The following POR variants were observed in gnomAD, a reference collection of about 807,000 sequenced individuals.
POR encodes the protein NADPH--cytochrome P450 reductase.
A neutral mutation model predicts 84.0 loss-of-function variants in POR; 56 were observed. The ratio of observed to expected loss-of-function variants is 0.67; its 90% CI spans 0.54 to 0.83. POR has a LOEUF of 0.83. POR is among the 40% of genes least tolerant of loss of function. The probability of loss-of-function intolerance (pLI) is 0.00; values close to 1 mark genes in which losing one functional copy is unlikely to be tolerated. For synonymous variants in POR, 414 were observed against 400.5 expected (o/e 1.03, Z -0.40); for missense variants, 938 against 944.3 (o/e 0.99, Z 0.09).
At chr7:75,935,484 G>A (rs1807623152) in intron 1 of POR, among the ~76,000 whole-genome samples, 1 of 152,002 alleles carries the variant, frequency 6.6e-6, no homozygotes, top group African/African-American at 2.4e-5. Flanking sequence ...GACCTCAGGT[G>A]ATCTGCCCCC....
At chr7:75,968,533 C>T (rs575718103) in intron 2 of POR, among the ~76,000 whole-genome samples, 56 of 152,376 alleles carry the variant, frequency 3.7e-4, no homozygotes, top group African/African-American at 1.2e-3. Context: ...TGGGCCCTCT[C>T]GGGCTAAGCC....
At position 75,983,785 on chromosome 7, in the gene POR, C is replaced by T; in HGVS notation, c.995C>T (p.Ala332Val). Residue 332 changes from alanine to valine, a missense_variant, in exon 10 of 16, where the codon GCT becomes GTT. Physicochemically the swap from Ala to Val is moderately conservative, Grantham distance 64. Transcript: ENST00000461988. ...GCTGTGTACCCAGCCAACGACTCTG[C>T]TCTCGTCAACCAGCTGGGCAAAATC... 3.1e-6 allele frequency: 5 copies of T among 1,612,488 alleles called. No homozygotes were observed. Among genetic ancestry groups the T allele is most frequent in the Non-Finnish European group, 4.2e-6 (5 of 1,179,734 alleles).
chr7:75,952,605 C>T (rs560072297), intron 1 of POR, among the ~76,000 whole-genome samples: 22 of 145,828 alleles, frequency 1.5e-4, no homozygotes, highest in African/African-American at 4.1e-4. Context: ...ACTTCTCAGA[C>T]GGGGCGGCCG....
chr7:75,930,818 G>A (rs920672156), intron 1 of POR, among the ~76,000 whole-genome samples: 1 of 150,062 alleles, frequency 6.7e-6, no homozygotes, highest in Non-Finnish European at 1.5e-5. Context: ...CACCTTGCCC[G>A]GCCCTTATGT....
chr7:75,967,212 G>A (rs989160814), intron 2 of POR, among the ~76,000 whole-genome samples: 2 of 152,126 alleles, frequency 1.3e-5, no homozygotes, highest in African/African-American at 4.8e-5. Context: ...CCTGAGCTAT[G>A]GCGTCCACCC....
intron 1 of POR, among the ~76,000 whole-genome samples, chr7:75,939,893 C>A (rs2116331344): frequency 6.6e-6 from 1 of 151,708 alleles, no homozygotes; most frequent in East Asian, 2.0e-4. Context: ...CAGGCGTGAG[C>A]CACCGCACCT....
chr7:75,941,145 A>C (rs1807960570), intron 1 of POR, among the ~76,000 whole-genome samples: 3 of 152,156 alleles, frequency 2.0e-5, no homozygotes, highest in Admixed American at 6.6e-5. Context: ...CCTGGGTAAC[A>C]GAGTGAGACT....
At chr7:75,964,516 C>T (rs1020824880) in intron 2 of POR, among the ~76,000 whole-genome samples, 47 of 152,210 alleles carry the variant, frequency 3.1e-4, no homozygotes, top group Middle Eastern at 3.4e-3. Context: ...CCATATTGGC[C>T]AGGCTGATCT....
chr7:75,925,226 A>G (rs1807056844), intron 1 of POR, among the ~76,000 whole-genome samples: 1 of 152,110 alleles, frequency 6.6e-6, no homozygotes, highest in South Asian at 2.1e-4. Flanking sequence ...AGTATTTTTC[A>G]GCTGGGCGCG....
intron 1 of POR, among the ~76,000 whole-genome samples, chr7:75,929,546 G>T (rs918325729): frequency 6.6e-6 from 1 of 152,150 alleles, no homozygotes; most frequent in Non-Finnish European, 1.5e-5. Flanking sequence ...GAGCCACCGC[G>T]CCCGGCCTCA....
chr7:75,976,551 G>GC (rs1392390547), intron 3 of POR, among the ~76,000 whole-genome samples: 3 of 151,762 alleles, frequency 2.0e-5, no homozygotes, highest in Non-Finnish European at 4.4e-5. Context: ...TTTGAGACCA[G>GC]CTGGACCAAC....
intron 2 of POR, chr7:75,970,902 C>T (rs1183394508): frequency 3.9e-5 from 3 of 77,446 alleles, no homozygotes. Flanking sequence ...TATCCTCTCC[C>T]ACACTGCAGC....
At chr7:75,953,212 G>C (rs1221871632) in intron 1 of POR, among the ~76,000 whole-genome samples, 9 of 151,540 alleles carry the variant, frequency 5.9e-5, no homozygotes, top group Non-Finnish European at 1.3e-4. Context: ...GCAGGCACTC[G>C]GCAGGCTGAG....
chr7:75,967,423 A>G (rs1554555439), intron 2 of POR, among the ~76,000 whole-genome samples: 1 of 152,112 alleles, frequency 6.6e-6, no homozygotes, highest in East Asian at 1.9e-4. Flanking sequence ...TTCATGGCAC[A>G]CAGGATGCTT....
At chr7:75,923,505 T>G (rs1300017511) in intron 1 of POR, 5 of 490,198 alleles carry the variant, frequency 1.0e-5, no homozygotes, top group South Asian at 9.0e-5. Context: ...GTGTTATTTT[T>G]GGGGGCGGGG....
At chr7:75,923,459 AACT>A in intron 1 of POR, 1 of 537,246 alleles carries the variant, frequency 1.9e-6, no homozygotes, top group East Asian at 3.0e-5. Context: ...CCAGGTGCCA[AACT>A]ACAGTAAATT....
intron 1 of POR, among the ~76,000 whole-genome samples, chr7:75,953,378 C>T (rs933182223): frequency 2.0e-5 from 3 of 151,518 alleles, no homozygotes; most frequent in Admixed American, 2.0e-4. Context: ...AAAAAGACTC[C>T]CAGGCATAGG....
intron 2 of POR, among the ~76,000 whole-genome samples, chr7:75,960,912 A>T (rs1437431332): frequency 6.6e-6 from 1 of 152,092 alleles, no homozygotes; most frequent in Non-Finnish European, 1.5e-5. Flanking sequence ...TTTTTTAAAA[A>T]ATATTTTAAT....
At chr7:75,941,972 A>G (rs1786940971) in intron 1 of POR, among the ~76,000 whole-genome samples, 1 of 151,768 alleles carries the variant, frequency 6.6e-6, no homozygotes, top group African/African-American at 2.4e-5. Flanking sequence ...TAATCCCAGC[A>G]CTCTTGGAGG....
Sources: allele counts gnomAD v4.1 joint callset (sites outside exome capture counted in the v4.1 genomes callset), GRCh38; gene constraint gnomAD v4.1.1; transcripts MANE v1.5; gene names NCBI Gene and HGNC (gene_info 2026-07-23, HGNC 2026-07-21).